Variants in ROBO2 observed in about 807,000 individuals in gnomAD.
ROBO2 encodes the protein roundabout homolog 2.
In ROBO2, 53 loss-of-function variants were observed where a neutral mutation model predicts 160.8. The ratio of observed to expected loss-of-function variants is 0.33; its 90% CI spans 0.26 to 0.41. ROBO2 has a LOEUF of 0.41. Ranked by LOEUF, ROBO2 falls within the 10% of genes least tolerant of loss-of-function variation. The pLI is 1.00. For synonymous variants in ROBO2, 664 were observed against 611.7 expected, an observed-to-expected ratio of 1.09 and a Z score of -1.26; for missense variants, 1,577 against 1,722.4, an observed-to-expected ratio of 0.92 and a Z score of 1.49.
At chr3:76,934,944 T>A (rs2077589806) in intron 2 of ROBO2, among the ~76,000 whole-genome samples, 1 of 147,236 alleles carries the variant, frequency 6.8e-6, no homozygotes, top group Admixed American at 6.8e-5. Context: ...TTTGAAATAA[T>A]TTCAGGCTTC....
Position 76,805,918 on chromosome 3 carries a change from T to C in ROBO2, c.110-292096T>C, listed in dbSNP as rs1192769537. 3.9e-5 allele frequency among the ~76,000 whole-genome samples: 6 copies of C among 152,072 alleles called. No individual in the cohort carries two copies. The East Asian group carries it at 1.2e-3, about 30-fold the overall frequency. On this transcript the variant is annotated intron_variant, in intron 2 of 26. Transcript: ENST00000487694. The stretch of plus-strand genomic sequence containing the variant: ...TTGCTCTCTTGATGTGAAATCAATT[T>C]CCTTCTTTGTATTGAGGCTTGTTTC...
chr3:77,623,850 AAC>A (rs2153707007), intron 23 of ROBO2, among the ~76,000 whole-genome samples: 1 of 152,334 alleles, frequency 6.6e-6, no homozygotes, highest in Non-Finnish European at 1.5e-5. Context: ...AATGATGAAA[AAC>A]AGTCAGCTAT....
chr3:77,078,700 C>T (rs2068286328), intron 1 of ROBO2, among the ~76,000 whole-genome samples: 1 of 152,038 alleles, frequency 6.6e-6, no homozygotes, highest in African/African-American at 2.4e-5. Flanking sequence ...GAGTTGGGCC[C>T]AAAGGTATTT....
chr3:76,259,000 G>A (rs1057281199), intron 2 of ROBO2, among the ~76,000 whole-genome samples: 1 of 151,930 alleles, frequency 6.6e-6, no homozygotes, highest in Non-Finnish European at 1.5e-5. Context: ...AAAAGACTAG[G>A]AACATCATTT....
At chr3:76,266,098 T>C (rs1216414714) in intron 2 of ROBO2, among the ~76,000 whole-genome samples, 2 of 152,176 alleles carry the variant, frequency 1.3e-5, no homozygotes, top group African/African-American at 4.8e-5. Flanking sequence ...TTGCCTTTTC[T>C]GCTTTTATTG....
chr3:76,811,814 C>CTTCCTTCCTTCCTTCTTTCCTTCT (rs2065191474), intron 2 of ROBO2, among the ~76,000 whole-genome samples: 1 of 71,376 alleles, frequency 1.4e-5, no homozygotes, highest in African/African-American at 5.1e-5. Flanking sequence ...TCCTTCCTTC[C>CTTCCTTCCTTCCTTCTTTCCTTCT]TTCCTTCCTT....
chr3:77,538,170 C>CTTTTTT lies in ROBO2; in HGVS notation c.935-8147_935-8142dup, dbSNP rs59409802. Among the ~76,000 whole-genome samples, 3 of 102,518 alleles carry CTTTTTT rather than the reference C, an allele frequency of 2.9e-5. 1 individual carries two copies. Among genetic ancestry groups the CTTTTTT allele is most frequent in the African/African-American group, 7.9e-5 (2 of 25,394 alleles). 67.3% of individuals were successfully genotyped at this position (102,518 alleles called of 152,430 possible). On this transcript the variant is annotated intron_variant, in intron 6 of 25. Coordinates refer to ENST00000461745, the Ensembl canonical transcript of ROBO2. ...GGTAATTTAGCAATTTGATCATTTA[C>CTTTTTT]TTTTTTTTTTTTTTTTTTTTTTTTT... is the stretch of plus-strand genomic sequence containing the variant.
intron 2 of ROBO2, among the ~76,000 whole-genome samples, chr3:77,212,358 A>T (rs945107219): frequency 1.3e-5 from 2 of 152,138 alleles, no homozygotes; most frequent in African/African-American, 4.8e-5. Context: ...GAGTTCACTC[A>T]TGATTTGGCT....
intron 2 of ROBO2, among the ~76,000 whole-genome samples, chr3:76,712,492 T>A (rs1382177788): frequency 6.6e-6 from 1 of 151,908 alleles, no homozygotes; most frequent in Non-Finnish European, 1.5e-5. Flanking sequence ...CCGGCCAACA[T>A]GGTGAAACCT....
At chr3:77,219,306 G>A (rs1580111962) in intron 2 of ROBO2, among the ~76,000 whole-genome samples, 1 of 151,300 alleles carries the variant, frequency 6.6e-6, no homozygotes, top group Admixed American at 6.6e-5. Flanking sequence ...GCCCATTGTT[G>A]CTCCTTTTCA....
At chr3:76,393,904 T>G (rs1488752432) in intron 2 of ROBO2, among the ~76,000 whole-genome samples, 1 of 152,182 alleles carries the variant, frequency 6.6e-6, no homozygotes, top group Non-Finnish European at 1.5e-5. Flanking sequence ...TATGCCTAGA[T>G]TTGTTAATAG....
At chr3:77,497,710 T>C (rs988019684) in intron 5 of ROBO2, among the ~76,000 whole-genome samples, 6 of 152,098 alleles carry the variant, frequency 3.9e-5, no homozygotes, top group Non-Finnish European at 8.8e-5. Context: ...TTTCACAAAG[T>C]GTTTTATGTG....
intron 1 of ROBO2, among the ~76,000 whole-genome samples, chr3:77,057,653 C>T (rs932295683): frequency 3.4e-5 from 5 of 145,372 alleles, no homozygotes; most frequent in East Asian, 2.1e-4. Context: ...TCACTGCAAC[C>T]TCTGCCTCCT....
chr3:77,485,112 T>C (rs976888612), intron 4 of ROBO2, among the ~76,000 whole-genome samples: 16 of 152,268 alleles, frequency 1.1e-4, no homozygotes, highest in Middle Eastern at 3.4e-3. Context: ...GTCTTCCTTG[T>C]CTGGAATGCT....
chr3:76,217,802 C>A (rs1412289642), intron 2 of ROBO2, among the ~76,000 whole-genome samples: 9 of 152,206 alleles, frequency 5.9e-5, no homozygotes, highest in Admixed American at 1.3e-4. Flanking sequence ...ATCCTCCCTA[C>A]CTCATTTTAT....
At chr3:77,133,103 A>G (rs2075993186) in intron 2 of ROBO2, among the ~76,000 whole-genome samples, 1 of 152,166 alleles carries the variant, frequency 6.6e-6, no homozygotes. Context: ...ATTTATTTAT[A>G]TAGCAAAATG....
chr3:75,916,981 C>CTA (rs1232006385), intron 1 of ROBO2, among the ~76,000 whole-genome samples: 9 of 46,942 alleles, frequency 1.9e-4, no homozygotes, highest in Admixed American at 7.5e-4. Context: ...TGCATGTTTT[C>CTA]TATATATATA....
intron 2 of ROBO2, among the ~76,000 whole-genome samples, chr3:76,037,590 A>G (rs915946475): frequency 6.6e-6 from 1 of 151,996 alleles, no homozygotes; most frequent in African/African-American, 2.4e-5. Context: ...TACTCAGTAC[A>G]TACATACATA....
At chr3:76,989,128 T>C (rs989987641) in intron 2 of ROBO2, among the ~76,000 whole-genome samples, 4 of 152,086 alleles carry the variant, frequency 2.6e-5, no homozygotes, top group Non-Finnish European at 5.9e-5. Flanking sequence ...AGTTTGGTAA[T>C]AGGGGAAGAA....
Sources: allele counts gnomAD v4.1 joint callset (sites outside exome capture counted in the v4.1 genomes callset), GRCh38; gene constraint gnomAD v4.1.1; transcripts MANE v1.5; gene names NCBI Gene and HGNC (gene_info 2026-07-23, HGNC 2026-07-21).